PHF21A: variants seen among roughly 807,000 people sequenced by gnomAD.
The protein encoded by PHF21A is BHC80a.
Under a neutral mutation model 82.5 loss-of-function variants are expected in PHF21A, and 11 were observed. That is an observed-to-expected ratio of 0.13 (90% CI 0.08 to 0.22). The LOEUF is 0.22. Ranked by LOEUF, PHF21A falls within the 10% of genes least tolerant of loss-of-function variation. The probability of loss-of-function intolerance (pLI) is 1.00; values close to 1 mark genes in which losing one functional copy is unlikely to be tolerated. For missense variants in PHF21A, 579 were observed against 837.8 expected, an observed-to-expected ratio of 0.69 and a Z score of 3.81; for synonymous variants, 297 against 302.8, an observed-to-expected ratio of 0.98 and a Z score of 0.20.
rs542171328 is a variant in PHF21A, at chr11:45,953,130, A to G, written c.1095+397T>C. Among the ~76,000 whole-genome samples the G allele has an allele frequency of 7.9e-5, 12 of 152,340 alleles. No homozygotes were observed. In the South Asian group the frequency reaches 2.5e-3, roughly 32 times the overall value. On this transcript the variant is annotated intron_variant, in intron 11 of 18. Coordinates refer to ENST00000676320, the MANE Select transcript of PHF21A (RefSeq NM_001352027.3). ...TTAACAACTGCAATTGATAATATAA[A>G]TACACATTAGCTGAGTGAACTAGAT... is the stretch of plus-strand genomic sequence containing the variant.
At chr11:46,011,835 T>C (rs1456274837) in intron 6 of PHF21A, among the ~76,000 whole-genome samples, 1 of 152,242 alleles carries the variant, frequency 6.6e-6, no homozygotes, top group African/African-American at 2.4e-5. Flanking sequence ...TCTTACCTTC[T>C]TTTTATTCTC....
In PHF21A at chr11:45,933,777, G is replaced by A. The variant is rs1262210978; in HGVS notation, c.*191C>T. On this transcript the variant is annotated 3_prime_UTR_variant, in exon 19 of 19. Coordinates refer to ENST00000676320, the MANE Select transcript of PHF21A (RefSeq NM_001352027.3). ...ATGTAACATGGTCCAATCTTTGCAT[G>A]TACACACAGAATAAGAAGGATCAAT... The A allele has an allele frequency of 3.3e-5, 16 of 487,984 alleles. No individual in the cohort carries two copies. The highest frequency in any genetic ancestry group is 5.0e-5 in the Non-Finnish European group (14 of 282,776). The allele number at this position is 487,984 out of a possible 1,614,324, so 30.2% of individuals were successfully genotyped here.
chr11:45,948,850 A>G (rs2091694253), intron 14 of PHF21A, 36 bp downstream of exon 14: 1 of 1,536,910 alleles, frequency 6.5e-7, no homozygotes, highest in African/African-American at 1.4e-5. Context: ...AAGCAAAAGC[A>G]ACAGCAGCAA....
rs111420443 is a variant in PHF21A at position 45,936,367 on chromosome 11, A to C, written c.1684+127T>G. ...AGTTTTCATTTGCTTTGTTTCCTCC[A>C]ATAGTTAAGGGCAAAAGGTTTTCAT... is the stretch of plus-strand genomic sequence containing the variant. On this transcript the variant is annotated intron_variant, in intron 17 of 18. Transcript: ENST00000676320. The C allele has an allele frequency of 4.3e-4, 261 of 607,268 alleles. 2 individuals are homozygous for C. The African/African-American group carries it at 4.5e-3, about 10-fold the overall frequency. 37.6% of individuals were successfully genotyped at this position (607,268 alleles called of 1,614,324 possible).
chr11:45,990,462 G>A (rs930825361), intron 6 of PHF21A, among the ~76,000 whole-genome samples: 1 of 151,594 alleles, frequency 6.6e-6, no homozygotes, highest in African/African-American at 2.4e-5. Flanking sequence ...GTTTCGCCAT[G>A]TTGCCTAGGC....
chr11:45,965,703 A>G, intron 9 of PHF21A, 95 bp from the exon 10 acceptor site: 1 of 911,694 alleles, frequency 1.1e-6, no homozygotes, highest in East Asian at 2.7e-5. Flanking sequence ...AATGGTGTTT[A>G]ATACACTTAT....
At chr11:46,004,674 C>T (rs2095249692) in intron 6 of PHF21A, among the ~76,000 whole-genome samples, 1 of 152,132 alleles carries the variant, frequency 6.6e-6, no homozygotes, top group Admixed American at 6.6e-5. Context: ...CAGACTATTA[C>T]TTTTTCATAG....
intron 6 of PHF21A, among the ~76,000 whole-genome samples, chr11:45,986,293 C>G (rs1338715018): frequency 6.6e-6 from 1 of 152,002 alleles, no homozygotes; most frequent in Non-Finnish European, 1.5e-5. Context: ...AAACTCAACC[C>G]CATCTTCCCC....
intron 1 of PHF21A, chr11:46,118,742 C>G (rs1852116314): frequency 6.6e-6 from 1 of 151,928 alleles, no homozygotes; most frequent in African/African-American, 2.4e-5. Flanking sequence ...AGGAACTTAC[C>G]AAAATTAAAA....
chr11:46,059,755 C>T (rs947768145), intron 6 of PHF21A, among the ~76,000 whole-genome samples: 2 of 152,082 alleles, frequency 1.3e-5, no homozygotes, highest in South Asian at 2.1e-4. Context: ...GAGACAGAGT[C>T]TCACTCTGTT....
chr11:45,940,494 G>C (rs1382992513), intron 15 of PHF21A, among the ~76,000 whole-genome samples: 1 of 152,126 alleles, frequency 6.6e-6, no homozygotes, highest in Non-Finnish European at 1.5e-5. Flanking sequence ...GCGCCTGGCA[G>C]ATTTTAATGT....
intron 10 of PHF21A, among the ~76,000 whole-genome samples, chr11:45,959,563 A>G (rs538334286): frequency 3.3e-5 from 5 of 152,258 alleles, no homozygotes; most frequent in Non-Finnish European, 7.3e-5. Flanking sequence ...AGGCAAGAAA[A>G]AGAAAAGGCA....
chr11:45,939,859 T>C (rs1262329481), intron 15 of PHF21A, among the ~76,000 whole-genome samples: 1 of 147,026 alleles, frequency 6.8e-6, no homozygotes, highest in African/African-American at 2.5e-5. Flanking sequence ...TGGGATTAAA[T>C]CCACTGATAA....
At chr11:45,954,445 T>C (rs1334444638) in intron 10 of PHF21A, among the ~76,000 whole-genome samples, 1 of 152,192 alleles carries the variant, frequency 6.6e-6, no homozygotes, top group Non-Finnish European at 1.5e-5. Context: ...TTACATGGAA[T>C]ATTAAAAATC....
intron 1 of PHF21A, among the ~76,000 whole-genome samples, chr11:46,100,436 G>A (rs994292240): frequency 2.0e-5 from 3 of 151,904 alleles, no homozygotes; most frequent in Non-Finnish European, 4.4e-5. Context: ...AATGAATACC[G>A]GTTAAAAGAA....
chr11:45,935,452 C>A, intron 18 of PHF21A, 184 bp downstream of exon 18: 1 of 640,046 alleles, frequency 1.6e-6, no homozygotes, highest in Non-Finnish European at 2.7e-6. Context: ...CACCTACCAA[C>A]TGGCCGCCTG....
chr11:46,119,275 G>A (rs1202983390), intron 1 of PHF21A, among the ~76,000 whole-genome samples: 1 of 152,112 alleles, frequency 6.6e-6, no homozygotes, highest in Non-Finnish European at 1.5e-5. Flanking sequence ...CCAGCTATGG[G>A]GCAAATCTTT....
chr11:45,938,428 G>C, intron 15 of PHF21A, 116 bp from the exon 16 acceptor site: 1 of 756,286 alleles, frequency 1.3e-6, no homozygotes, highest in Non-Finnish European at 2.1e-6. Context: ...CTCGTTCCAG[G>C]AGTACTCAAG....
At chr11:46,056,433 T>A (rs2096457917) in intron 6 of PHF21A, among the ~76,000 whole-genome samples, 1 of 152,146 alleles carries the variant, frequency 6.6e-6, no homozygotes, top group African/African-American at 2.4e-5. Flanking sequence ...TTTAAGAACC[T>A]GTAAATCCTG....
Sources: gnomAD v4.1 joint callset for allele counts (sites outside exome capture counted in the v4.1 genomes callset) on GRCh38, gnomAD v4.1.1 for gene constraint, MANE v1.5 for transcripts, NCBI Gene and HGNC (gene_info 2026-07-23, HGNC 2026-07-21) for gene names.